Variants in CATSPERB observed in about 807,000 individuals in gnomAD.
The protein encoded by CATSPERB is cation channel sperm-associated auxiliary subunit beta.
In CATSPERB, 93 loss-of-function variants were observed where a neutral mutation model predicts 128.3. The observed-to-expected ratio is 0.72, with a 90% CI of 0.61 to 0.86. CATSPERB has a LOEUF of 0.86. Among genes scored for constraint, CATSPERB ranks in the 40% least tolerant of loss-of-function variants. The probability of loss-of-function intolerance (pLI) is 0.00; values close to 1 mark genes in which losing one functional copy is unlikely to be tolerated. For synonymous variants in CATSPERB, 381 were observed against 448.8 expected, an observed-to-expected ratio of 0.85 and a Z score of 1.91; for missense variants, 1,153 against 1,329.5, an observed-to-expected ratio of 0.87 and a Z score of 2.06.
At chr14:91,613,861 T>C (rs1893884098) in intron 20 of CATSPERB, among the ~76,000 whole-genome samples, 1 of 152,164 alleles carries the variant, frequency 6.6e-6, no homozygotes. Context: ...TAATGAGAAA[T>C]GTGATGTGTG....
chr14:91,639,590 A>C (rs1894452767), intron 15 of CATSPERB, among the ~76,000 whole-genome samples: 4 of 152,218 alleles, frequency 2.6e-5, no homozygotes, highest in Admixed American at 2.0e-4. Flanking sequence ...AAAGTCAGCA[A>C]GAAAACAATC....
At chr14:91,600,405 A>G (rs1280278581) in intron 22 of CATSPERB, among the ~76,000 whole-genome samples, 2 of 152,202 alleles carry the variant, frequency 1.3e-5, no homozygotes, top group Non-Finnish European at 2.9e-5. Flanking sequence ...GGCTGTTTAT[A>G]TATCTTCTGT....
chr14:91,653,767 T>TTTGGG (rs748776314), intron 15 of CATSPERB, among the ~76,000 whole-genome samples: 1 of 152,202 alleles, frequency 6.6e-6, no homozygotes, highest in Non-Finnish European at 1.5e-5. Context: ...CAAGTTGAGA[T>TTTGGG]TTGGGTTGGG....
At chr14:91,639,992 C>A (rs1372471068) in intron 15 of CATSPERB, among the ~76,000 whole-genome samples, 1 of 151,732 alleles carries the variant, frequency 6.6e-6, no homozygotes, top group Non-Finnish European at 1.5e-5. Context: ...GATTTTAAAT[C>A]CATCTTTAGA....
At position 91,580,901 on chromosome 14, in the gene CATSPERB, C is replaced by T. The variant is rs2139750550; in HGVS notation, c.3339G>A (p.Lys1113=). The change falls in exon 27 of 27, where the codon AAG becomes AAA. Residue 1113 remains lysine, a synonymous_variant. Coordinates refer to ENST00000256343, the MANE Select transcript of CATSPERB (RefSeq NM_024764.4). The part of the protein sequence containing the change: ...ISLSELIHRS[K]SEE ...GATCACCATGTGTTCACTCTTCAGA[C>T]TTTGATCTATGAATCAGCTCACTGA... The T allele has an allele frequency of 6.2e-7, 1 of 1,613,944 alleles. No homozygotes were observed. Among genetic ancestry groups the T allele is most frequent in the Non-Finnish European group, 8.5e-7 (1 of 1,179,812 alleles).
chr14:91,598,857 CAAA>C (rs377460093), intron 22 of CATSPERB, among the ~76,000 whole-genome samples: 8 of 110,062 alleles, frequency 7.3e-5, no homozygotes, highest in Non-Finnish European at 1.1e-4. Flanking sequence ...GACTCTGTCT[CAAA>C]AAAAAAAAAA....
intron 13 of CATSPERB, among the ~76,000 whole-genome samples, chr14:91,671,316 G>A (rs1895083979): frequency 6.6e-6 from 1 of 151,966 alleles, no homozygotes; most frequent in Non-Finnish European, 1.5e-5. Context: ...GCTCATGCCT[G>A]CAATTCCAGC....
chr14:91,584,691 C>T (rs1278617974), intron 26 of CATSPERB, among the ~76,000 whole-genome samples: 1 of 152,162 alleles, frequency 6.6e-6, no homozygotes, highest in African/African-American at 2.4e-5. Flanking sequence ...GATTGACAAT[C>T]CTTCCTCCCC....
chr14:91,695,830 C>G lies in CATSPERB; in HGVS notation c.617-2351G>C, dbSNP rs138471325. ...GTCTAATAAAAAATGTTGACTTGAC[C>G]TAAGATTTTAGCAGAGAAGTGAGGT... On this transcript the variant is annotated intron_variant, in intron 7 of 26. Transcript: ENST00000256343. Among the ~76,000 whole-genome samples the G allele has an allele frequency of 3.3e-3, 504 of 152,238 alleles. 6 individuals carry two copies. The highest frequency in any genetic ancestry group is 0.027 in the Middle Eastern group (8 of 294).
chr14:91,588,338 C>T (rs1464999263), intron 24 of CATSPERB, among the ~76,000 whole-genome samples: 8 of 152,094 alleles, frequency 5.3e-5, no homozygotes, highest in Non-Finnish European at 1.5e-5. Flanking sequence ...CAATATCTCA[C>T]ATTGCCTTCA....
chr14:91,671,390 A>G (rs776681902), intron 13 of CATSPERB, among the ~76,000 whole-genome samples: 4 of 152,094 alleles, frequency 2.6e-5, no homozygotes, highest in African/African-American at 4.8e-5. Context: ...CCTGGCCAAC[A>G]TGACAAAACC....
intron 11 of CATSPERB, among the ~76,000 whole-genome samples, chr14:91,678,132 G>C (rs1895221722): frequency 6.6e-6 from 1 of 152,004 alleles, no homozygotes; most frequent in Non-Finnish European, 1.5e-5. Context: ...ATGCATGTGG[G>C]GCTTAAAACC....
At chr14:91,709,225 T>C (rs1215475435) in intron 5 of CATSPERB, 1 of 152,164 alleles carries the variant, frequency 6.6e-6, no homozygotes, top group Non-Finnish European at 1.5e-5. Flanking sequence ...GGAGAGATAA[T>C]GGCTACAGAG....
Position 91,673,029 on chromosome 14 carries a change from G to GAAGGGAAAA in CATSPERB, c.979-22_979-14dup. ...AACAAGAGCTTGACTATAAAAAAAA[G>GAAGGGAAAA]AAGGGAAAAATTAATGCTGTTTTTG... On this transcript the variant is annotated splice_polypyrimidine_tract_variant and intron_variant, in intron 12 of 26. Coordinates refer to ENST00000256343, the MANE Select transcript of CATSPERB (RefSeq NM_024764.4). The GAAGGGAAAA allele has an allele frequency of 6.4e-7, 1 of 1,560,150 alleles. No homozygotes were observed.
intron 15 of CATSPERB, among the ~76,000 whole-genome samples, chr14:91,639,462 T>C (rs1382937442): frequency 6.6e-6 from 1 of 152,018 alleles, no homozygotes; most frequent in Admixed American, 6.6e-5. Flanking sequence ...TTCACTGAAG[T>C]AGGGGAAGAA....
intron 7 of CATSPERB, among the ~76,000 whole-genome samples, chr14:91,699,394 T>C (rs941877402): frequency 2.0e-5 from 3 of 151,970 alleles, no homozygotes; most frequent in African/African-American, 7.2e-5. Context: ...GCAATTCCCA[T>C]CAAAATCACA....
intron 4 of CATSPERB, among the ~76,000 whole-genome samples, 171 bp from the exon 5 acceptor site, chr14:91,719,649 GAAATA>G (rs1373709203): frequency 6.6e-6 from 1 of 152,176 alleles, no homozygotes; most frequent in Non-Finnish European, 1.5e-5. Context: ...ACATATGTGT[GAAATA>G]AAATGTGTTC....
In CATSPERB at chr14:91,608,809, A is replaced by G. The variant is rs1186246428; in HGVS notation, c.2599-405T>C. 3.9e-5 allele frequency among the ~76,000 whole-genome samples: 6 copies of G among 152,208 alleles called. No homozygotes were observed. In the East Asian group the frequency reaches 1.2e-3, roughly 29 times the overall value. Reference sequence around the variant, plus strand: ...AAGAGTCACAAATTCTGACAAGGCAAAAGTTAAAATTATTACATTGAAATG... The same window carrying G: ...AAGAGTCACAAATTCTGACAAGGCAGAAGTTAAAATTATTACATTGAAATG... On this transcript the variant is annotated intron_variant, in intron 21 of 26. Transcript: ENST00000256343.
chr14:91,593,878 A>G (rs969737473), intron 22 of CATSPERB, among the ~76,000 whole-genome samples: 3 of 148,744 alleles, frequency 2.0e-5, no homozygotes, highest in African/African-American at 7.4e-5. Flanking sequence ...ATGTTGTGGA[A>G]GGGACCCAGG....
Sources: gnomAD v4.1 joint callset for allele counts (sites outside exome capture counted in the v4.1 genomes callset) on GRCh38, gnomAD v4.1.1 for gene constraint, MANE v1.5 for transcripts, NCBI Gene and HGNC (gene_info 2026-07-23, HGNC 2026-07-21) for gene names.